Variants in TAFA1 observed in about 807,000 individuals in gnomAD.
The protein encoded by TAFA1 is chemokine-like protein TAFA-1.
In TAFA1, 4 loss-of-function variants were observed where a neutral mutation model predicts 18.5. That is an observed-to-expected ratio of 0.22 (90% CI 0.11 to 0.49). TAFA1 has a LOEUF of 0.49. Among genes scored for constraint, TAFA1 ranks in the 20% least tolerant of loss-of-function variants. The pLI, the probability that TAFA1 is intolerant of heterozygous loss-of-function variation, is 0.98. For missense variants in TAFA1, 147 were observed against 169.0 expected, an observed-to-expected ratio of 0.87 and a Z score of 0.72; for synonymous variants, 56 against 55.2, an observed-to-expected ratio of 1.01 and a Z score of -0.06.
chr3:68,072,226 G>A lies in TAFA1; in HGVS notation c.118+65482G>A, dbSNP rs371119208. Reference sequence around the variant, plus strand: ...TCAACCTAGTGAAGGACCAGATGTGGCAATGGCAGGTGGCCTCTGCGGCAG... The same window carrying A: ...TCAACCTAGTGAAGGACCAGATGTGACAATGGCAGGTGGCCTCTGCGGCAG... On this transcript the variant is annotated intron_variant, in intron 2 of 4. Transcript: ENST00000478136. 2.6e-5 allele frequency among the ~76,000 whole-genome samples: 4 copies of A among 152,280 alleles called. No homozygotes were observed. The South Asian group carries it at 8.3e-4, about 32-fold the overall frequency.
intron 2 of TAFA1, among the ~76,000 whole-genome samples, chr3:68,136,486 G>T (rs1245996805): frequency 6.6e-6 from 1 of 152,122 alleles, no homozygotes; most frequent in Non-Finnish European, 1.5e-5. Flanking sequence ...TGATCGCTCT[G>T]GGGCCGCTGC....
intron 2 of TAFA1, among the ~76,000 whole-genome samples, chr3:68,076,196 A>C (rs951726301): frequency 6.6e-6 from 1 of 152,170 alleles, no homozygotes; most frequent in Non-Finnish European, 1.5e-5. Context: ...TGGTCTTTGA[A>C]GATGAGAGTC....
At chr3:68,404,073 T>C (rs1370390689) in intron 2 of TAFA1, among the ~76,000 whole-genome samples, 1 of 152,224 alleles carries the variant, frequency 6.6e-6, no homozygotes, top group African/African-American at 2.4e-5. Context: ...TGTTTACTCA[T>C]TCATCCTCAC....
intron 2 of TAFA1, among the ~76,000 whole-genome samples, chr3:68,185,153 TG>T (rs2066254420): frequency 1.3e-5 from 2 of 152,144 alleles, no homozygotes; most frequent in African/African-American, 4.8e-5. Flanking sequence ...CCAGTCCGCA[TG>T]GGAGACAGCA....
chr3:68,123,558 T>C (rs1466215899), intron 2 of TAFA1, among the ~76,000 whole-genome samples: 1 of 152,194 alleles, frequency 6.6e-6, no homozygotes, highest in African/African-American at 2.4e-5. Context: ...CTTTTTCACT[T>C]TTCTGAAAAG....
rs143701121 is a variant in TAFA1 at position 68,339,916 on chromosome 3, GCT to G, written c.119-77362_119-77361del. On this transcript the variant is annotated intron_variant, in intron 2 of 4. Coordinates refer to ENST00000478136, the MANE Select transcript of TAFA1 (RefSeq NM_213609.4). ...GGATTTGCCAATGGCTTAACAATCA[GCT>G]CACAAAATGCAGCTATGAGACAGCT... 0.01 allele frequency among the ~76,000 whole-genome samples: 1,587 copies of G among 152,248 alleles called. 76 individuals carry two copies. The East Asian group carries it at 0.16, about 16-fold the overall frequency.
chr3:68,076,632 T>G (rs542420941), intron 2 of TAFA1, among the ~76,000 whole-genome samples: 1 of 152,284 alleles, frequency 6.6e-6, no homozygotes, highest in Non-Finnish European at 1.5e-5. Flanking sequence ...ACAAAGGACA[T>G]GAACTCATCA....
At chr3:68,407,944 T>C (rs2070642072) in intron 2 of TAFA1, among the ~76,000 whole-genome samples, 1 of 152,194 alleles carries the variant, frequency 6.6e-6, no homozygotes, top group Non-Finnish European at 1.5e-5. Flanking sequence ...GTGTCTCTCT[T>C]GTCAATGATT....
intron 2 of TAFA1, among the ~76,000 whole-genome samples, chr3:68,154,328 C>T (rs374152649): frequency 1.5e-4 from 23 of 152,120 alleles, no homozygotes; most frequent in Non-Finnish European, 2.9e-4. Context: ...CTACAAGATC[C>T]ACCTGCAAGA....
At chr3:68,330,393 C>T (rs1040359125) in intron 2 of TAFA1, among the ~76,000 whole-genome samples, 1 of 152,196 alleles carries the variant, frequency 6.6e-6, no homozygotes, top group Non-Finnish European at 1.5e-5. Flanking sequence ...AAATGGATTA[C>T]TTACTGTGTG....
chr3:68,148,900 A>G (rs2065774067), intron 2 of TAFA1, among the ~76,000 whole-genome samples: 1 of 152,264 alleles, frequency 6.6e-6, no homozygotes, highest in African/African-American at 2.4e-5. Context: ...ATAGAATACC[A>G]AAATGAATTT....
intron 2 of TAFA1, among the ~76,000 whole-genome samples, chr3:68,380,620 GT>G (rs1398766664): frequency 6.6e-6 from 1 of 151,982 alleles, no homozygotes; most frequent in East Asian, 1.9e-4. Context: ...AGGGTTGTTT[GT>G]TTTTTTCTTG....
At chr3:68,191,250 CAT>C (rs997678507) in intron 2 of TAFA1, among the ~76,000 whole-genome samples, 6 of 151,706 alleles carry the variant, frequency 4.0e-5, no homozygotes, top group African/African-American at 1.5e-4. Context: ...TGATATTCCT[CAT>C]ATGGAATCCT....
At chr3:68,081,592 C>G (rs1230788652) in intron 2 of TAFA1, among the ~76,000 whole-genome samples, 2 of 152,144 alleles carry the variant, frequency 1.3e-5, no homozygotes, top group African/African-American at 2.4e-5. Context: ...TCAATGTGCC[C>G]CTGCTGAGGG....
At chr3:68,396,338 A>G (rs1575832084) in intron 2 of TAFA1, among the ~76,000 whole-genome samples, 1 of 152,162 alleles carries the variant, frequency 6.6e-6, no homozygotes, top group East Asian at 1.9e-4. Context: ...AAGAGCTAGA[A>G]TGTTACCAGC....
intron 2 of TAFA1, among the ~76,000 whole-genome samples, chr3:68,073,077 C>A (rs1443912685): frequency 6.6e-6 from 1 of 152,126 alleles, no homozygotes. Flanking sequence ...AAATTCCAGG[C>A]TTCCAAAGAA....
At chr3:68,460,725 C>G (rs1304730615) in intron 3 of TAFA1, among the ~76,000 whole-genome samples, 1 of 152,158 alleles carries the variant, frequency 6.6e-6, no homozygotes, top group African/African-American at 2.4e-5. Context: ...CAGGTTGCTT[C>G]CTGCCTCCCA....
Position 68,151,104 on chromosome 3 carries a change from A to C in TAFA1, c.118+144360A>C, listed in dbSNP as rs1005232952. Among the ~76,000 whole-genome samples the C allele has an allele frequency of 3.9e-5, 6 of 152,070 alleles. No individual in the cohort carries two copies. In the South Asian group the frequency reaches 1.2e-3, roughly 32 times the overall value. On this transcript the variant is annotated intron_variant, in intron 2 of 4. Transcript: ENST00000478136. Reference sequence around the variant, plus strand: ...ATGTTGTATTTCACATAACAATGCCACATAGACTTATACCTCACACAGCTA... The same window carrying C: ...ATGTTGTATTTCACATAACAATGCCCCATAGACTTATACCTCACACAGCTA...
At chr3:68,181,821 G>A (rs572536751) in intron 2 of TAFA1, among the ~76,000 whole-genome samples, 63 of 152,258 alleles carry the variant, frequency 4.1e-4, no homozygotes, top group South Asian at 6.2e-4. Flanking sequence ...TGTAAAATAG[G>A]GTGAAATCTA....
Sources: allele counts gnomAD v4.1 joint callset (sites outside exome capture counted in the v4.1 genomes callset), GRCh38; gene constraint gnomAD v4.1.1; transcripts MANE v1.5; gene names NCBI Gene and HGNC (gene_info 2026-07-23, HGNC 2026-07-21).